The following TRPC5 variants were observed in gnomAD, a reference collection of about 807,000 sequenced individuals.
The protein encoded by TRPC5 is transient receptor potential cation channel subfamily C member 5.
A neutral mutation model predicts 56.5 loss-of-function variants in TRPC5; 9 were observed. The observed-to-expected ratio is 0.16, with a 90% CI of 0.10 to 0.28. The LOEUF is 0.28. Among genes scored for constraint, TRPC5 ranks in the 10% least tolerant of loss-of-function variants. TRPC5 has a pLI of 1.00. For missense variants in TRPC5, 469 were observed against 748.9 expected (o/e 0.63, Z 4.36); for synonymous variants, 282 against 278.5 (o/e 1.01, Z -0.13).
At chrX:112,013,628 C>T (rs755403582) in intron 1 of TRPC5, among the ~76,000 whole-genome samples, 1 of 111,772 alleles carries the variant, frequency 8.9e-6, no homozygotes, top group Admixed American at 9.5e-5. Context: ...ATGTCTGACT[C>T]CTGCTTCCTT....
Position 111,824,859 on chromosome X carries a change from A to G in TRPC5, c.1896+10062T>C, listed in dbSNP as rs759587204. On this transcript the variant is annotated intron_variant, in intron 7 of 10. Transcript: ENST00000262839. Reference sequence around the variant, plus strand: ...TGGTAGGCAGAGAAGACTGAAGCCAATCCTTACAGTGTTACCGCCTTTAAT... The same window carrying G: ...TGGTAGGCAGAGAAGACTGAAGCCAGTCCTTACAGTGTTACCGCCTTTAAT... Among the ~76,000 whole-genome samples the G allele has an allele frequency of 3.2e-3, 355 of 111,957 alleles. 1 individual carries two copies. Among genetic ancestry groups the G allele is most frequent in the Non-Finnish European group, 3.9e-3 (209 of 53,176 alleles).
At chrX:111,992,726 G>C (rs928129841) in intron 1 of TRPC5, among the ~76,000 whole-genome samples, 5 of 108,506 alleles carry the variant, frequency 4.6e-5, no homozygotes, top group Admixed American at 1.0e-4. Context: ...CCTCAGCCTC[G>C]TGAGTAGCTG....
chrX:111,781,768 G>A (rs1028704627), intron 8 of TRPC5, among the ~76,000 whole-genome samples, 167 bp downstream of exon 8: 1 of 110,882 alleles, frequency 9.0e-6, no homozygotes, highest in Non-Finnish European at 1.9e-5. Context: ...GGTGGCAGAC[G>A]CCTGTAATCC....
At chrX:111,993,052 GC>G (rs1279080334) in intron 1 of TRPC5, among the ~76,000 whole-genome samples, 89 of 57,701 alleles carry the variant, frequency 1.5e-3, no homozygotes, top group African/African-American at 5.6e-3. Context: ...CCCTCCCCCA[GC>G]CCCCCACCCC....
chrX:111,906,733 A>G (rs938061562), intron 3 of TRPC5, among the ~76,000 whole-genome samples: 79 of 111,771 alleles, frequency 7.1e-4, no homozygotes, highest in Non-Finnish European at 5.5e-4. Context: ...CTTCTCCCCC[A>G]CAAACCTCGA....
At chrX:111,801,154 G>C (rs1921297278) in intron 7 of TRPC5, among the ~76,000 whole-genome samples, 1 of 111,483 alleles carries the variant, frequency 9.0e-6, no homozygotes, top group Non-Finnish European at 1.9e-5. Flanking sequence ...TAAAATATTG[G>C]TCCCTTGTGT....
chrX:112,053,945 G>C (rs770475658), intron 1 of TRPC5, among the ~76,000 whole-genome samples: 1 of 112,045 alleles, frequency 8.9e-6, no homozygotes, highest in African/African-American at 3.2e-5. Flanking sequence ...TGTATCTAAA[G>C]TTGTACAAAT....
intron 7 of TRPC5, among the ~76,000 whole-genome samples, chrX:111,799,270 TAGAAGGCCTGGACAATGAGAAC>T (rs1921224685): frequency 9.0e-6 from 1 of 111,662 alleles, no homozygotes; most frequent in South Asian, 3.8e-4. Context: ...TTGTTTGTAC[TAGAAGGCCTGGACAATGAGAAC>T]CCTTTTTCTG....
chrX:111,840,897 C>T (rs752529910), intron 6 of TRPC5, among the ~76,000 whole-genome samples: 18 of 112,204 alleles, frequency 1.6e-4, no homozygotes, highest in Non-Finnish European at 3.2e-4. Context: ...ATCCTCATTG[C>T]CTGGTACATA....
intron 1 of TRPC5, among the ~76,000 whole-genome samples, chrX:112,071,590 C>T (rs924551793): frequency 8.9e-6 from 1 of 111,910 alleles, no homozygotes; most frequent in Non-Finnish European, 1.9e-5. Context: ...CAGGCTCTGC[C>T]ATTGTAGTAG....
At chrX:112,002,106 AT>A (rs202063389) in intron 1 of TRPC5, among the ~76,000 whole-genome samples, 9,539 of 110,470 alleles carry the variant, frequency 0.086, 643 homozygotes, top group African/African-American at 0.23. Context: ...TCCTCCACAC[AT>A]TTTTTTCTTC....
At chrX:111,810,039 C>T (rs926154566) in intron 7 of TRPC5, among the ~76,000 whole-genome samples, 15 of 109,769 alleles carry the variant, frequency 1.4e-4, no homozygotes, top group African/African-American at 4.7e-4. Flanking sequence ...CTCAGCATCC[C>T]GAGTAGCTGG....
chrX:111,803,909 T>A (rs1316475116), intron 7 of TRPC5, among the ~76,000 whole-genome samples: 4 of 112,083 alleles, frequency 3.6e-5, no homozygotes, highest in South Asian at 7.4e-4. Flanking sequence ...GGTGTTTTAG[T>A]CATGAAGTCC....
At chrX:111,880,758 C>T (rs913166499) in intron 3 of TRPC5, among the ~76,000 whole-genome samples, 21 of 112,190 alleles carry the variant, frequency 1.9e-4, no homozygotes, top group African/African-American at 6.8e-4. Flanking sequence ...AGGTTGGAAC[C>T]AATTACCAGT....
chrX:111,982,985 T>G (rs1569529061), intron 1 of TRPC5, among the ~76,000 whole-genome samples: 1 of 111,225 alleles, frequency 9.0e-6, no homozygotes, highest in East Asian at 2.9e-4. Flanking sequence ...ACCAAGTTGA[T>G]TCTGTAACTG....
At chrX:111,832,270 A>G (rs1422317872) in intron 7 of TRPC5, among the ~76,000 whole-genome samples, 1 of 111,841 alleles carries the variant, frequency 8.9e-6, no homozygotes, top group African/African-American at 3.3e-5. Context: ...TCCTGCATGG[A>G]ACATTGATAA....
At chrX:111,876,069 A>G (rs1317598030) in intron 3 of TRPC5, 1 of 110,909 alleles carries the variant, frequency 9.0e-6, no homozygotes. Flanking sequence ...CAAATGTGGC[A>G]AACAAAAACT....
intron 7 of TRPC5, among the ~76,000 whole-genome samples, chrX:111,796,683 C>A (rs1365002154): frequency 8.9e-6 from 1 of 111,813 alleles, no homozygotes. Flanking sequence ...AGCTTCAACA[C>A]TCCCTCAGTT....
At position 111,834,911 on chromosome X, in the gene TRPC5, A is replaced by C; in HGVS notation, c.1896+10T>G. ...CAAAGTAAGCACGCTTGTAAAGCAA[A>C]GCTACTCACGGCAATAAGCTGATAG... is the stretch of plus-strand genomic sequence containing the variant. On this transcript the variant is annotated intron_variant, in intron 7 of 10. Coordinates refer to ENST00000262839, the MANE Select transcript of TRPC5 (RefSeq NM_012471.3). 8.4e-7 allele frequency: 1 copy of C among 1,184,917 alleles called. No individual in the cohort carries two copies. The highest frequency in any genetic ancestry group is 2.3e-4 in the Middle Eastern group (1 of 4,259).
Sources: allele counts gnomAD v4.1 joint callset (sites outside exome capture counted in the v4.1 genomes callset), GRCh38; gene constraint gnomAD v4.1.1; transcripts MANE v1.5; gene names NCBI Gene and HGNC (gene_info 2026-07-23, HGNC 2026-07-21).